JMY: variants seen among roughly 807,000 people sequenced by gnomAD.
JMY encodes the protein junction mediating and regulatory protein, p53 cofactor.
A neutral mutation model predicts 103.3 loss-of-function variants in JMY; 46 were observed. The ratio of observed to expected loss-of-function variants is 0.45; its 90% CI spans 0.35 to 0.57. The LOEUF (loss-of-function observed/expected upper bound fraction) is 0.57, where lower values mean the gene tolerates loss of function less well. Ranked by LOEUF, JMY falls within the 20% of genes least tolerant of loss-of-function variation. The pLI, the probability that JMY is intolerant of heterozygous loss-of-function variation, is 0.00. For missense variants in JMY, 1,238 were observed against 1,255.2 expected (o/e 0.99, Z 0.21); for synonymous variants, 526 against 489.3 (o/e 1.07, Z -0.99).
At chr5:79,280,937 TAA>T (rs764902691) in intron 2 of JMY, among the ~76,000 whole-genome samples, 12 of 138,072 alleles carry the variant, frequency 8.7e-5, no homozygotes, top group Admixed American at 7.2e-5. Context: ...CTGGAGGAGC[TAA>T]AAAAAAAAAA....
At chr5:79,271,281 C>T (rs1160151071) in intron 1 of JMY, among the ~76,000 whole-genome samples, 2 of 151,878 alleles carry the variant, frequency 1.3e-5, no homozygotes, top group Admixed American at 1.3e-4. Context: ...ATTCTCCTCC[C>T]TAGGCTTTCC....
At chr5:79,246,349 C>T (rs1441492884) in intron 1 of JMY, among the ~76,000 whole-genome samples, 1 of 152,130 alleles carries the variant, frequency 6.6e-6, no homozygotes, top group Non-Finnish European at 1.5e-5. Flanking sequence ...TTTTCAATAA[C>T]TGCAATAGTT....
At chr5:79,273,245 TTC>T (rs1745838233) in intron 1 of JMY, among the ~76,000 whole-genome samples, 1 of 152,214 alleles carries the variant, frequency 6.6e-6, no homozygotes, top group Admixed American at 6.5e-5. Flanking sequence ...TGGTGATGAG[TTC>T]TCTTTTAATT....
chr5:79,285,768 T>C (rs1003607506), intron 2 of JMY, among the ~76,000 whole-genome samples: 4 of 152,158 alleles, frequency 2.6e-5, no homozygotes, highest in Non-Finnish European at 5.9e-5. Context: ...CACAGTTTTT[T>C]CCCCCTCATC....
At chr5:79,262,359 A>G (rs1374391606) in intron 1 of JMY, among the ~76,000 whole-genome samples, 1 of 152,216 alleles carries the variant, frequency 6.6e-6, no homozygotes, top group Non-Finnish European at 1.5e-5. Context: ...TTTGCAGTTT[A>G]TAACCTGCAA....
At chr5:79,318,761 T>TATATAGAG (rs1218912301) in intron 10 of JMY, among the ~76,000 whole-genome samples, 16 of 53,604 alleles carry the variant, frequency 3.0e-4, no homozygotes, top group African/African-American at 2.2e-3. Flanking sequence ...TATATATATA[T>TATATAGAG]AGAGAGAGAG....
Position 79,306,438 on chromosome 5 carries a change from A to C in JMY, c.1945A>C (p.Arg649=). ...QQRTRIEDEY[R]THHTVQLKRE... ...GCGCACTCGGATTGAAGATGAATAT[A>C]GAACCCATCACACAGTACAACTAGT... is the stretch of plus-strand genomic sequence containing the variant. The change falls in exon 7 of 11, where the codon AGA becomes CGA. Residue 649 remains arginine (R), a synonymous_variant. Coordinates refer to ENST00000396137, the MANE Select transcript of JMY (RefSeq NM_152405.5). The C allele has an allele frequency of 6.2e-7, 1 of 1,612,636 alleles. No individual in the cohort carries two copies. Among genetic ancestry groups the C allele is most frequent in the South Asian group, 1.1e-5 (1 of 90,976 alleles).
intron 1 of JMY, among the ~76,000 whole-genome samples, chr5:79,242,333 A>G (rs997329675): frequency 6.6e-6 from 1 of 152,200 alleles, no homozygotes; most frequent in Non-Finnish European, 1.5e-5. Flanking sequence ...AGGATGTCTT[A>G]AGATTTGAGT....
chr5:79,293,452 C>T (rs532834230), intron 4 of JMY, among the ~76,000 whole-genome samples: 2 of 149,314 alleles, frequency 1.3e-5, no homozygotes, highest in East Asian at 3.9e-4. Context: ...GAGACAGAGT[C>T]TTGCTGTGTT....
intron 1 of JMY, among the ~76,000 whole-genome samples, chr5:79,263,357 C>G (rs572992956): frequency 2.0e-5 from 3 of 152,248 alleles, no homozygotes; most frequent in African/African-American, 7.2e-5. Flanking sequence ...ACCCAAGTAT[C>G]CTTGAATATG....
At chr5:79,287,491 C>T (rs1746302389) in intron 2 of JMY, among the ~76,000 whole-genome samples, 1 of 152,060 alleles carries the variant, frequency 6.6e-6, no homozygotes, top group African/African-American at 2.4e-5. Context: ...TTTTAAAAGT[C>T]AGTTAAAGGC....
intron 1 of JMY, among the ~76,000 whole-genome samples, chr5:79,276,796 G>A (rs892611921): frequency 6.6e-6 from 1 of 151,882 alleles, no homozygotes; most frequent in African/African-American, 2.4e-5. Flanking sequence ...TAGTAGAGAC[G>A]GGGTTTCACC....
At chr5:79,306,282 G>A (rs539098351) in intron 6 of JMY, 93 bp from the exon 7 acceptor site, 414 of 816,926 alleles carry the variant, frequency 5.1e-4, no homozygotes, top group Non-Finnish European at 4.2e-4. Context: ...TGTTCTGTAG[G>A]TGGTATATAT....
chr5:79,314,463 A>G lies in JMY; in HGVS notation c.2271A>G (p.Gln757=), dbSNP rs1467425654. The stretch of plus-strand genomic sequence containing the variant: ...CAACAGAACCCCAGAGCCTTGTGCA[A>G]CTTGAAGATACTTCATTAACACAAC... ...SQTTEPQSLV[Q]LEDTSLTQLE... The change falls in exon 9 of 11, where the codon CAA becomes CAG. Residue 757 remains glutamine, a synonymous_variant. Coordinates refer to ENST00000396137, the MANE Select transcript of JMY (RefSeq NM_152405.5). 1 of 1,614,178 alleles carries G rather than the reference A, an allele frequency of 6.2e-7. No individual in the cohort carries two copies. Among genetic ancestry groups the G allele is most frequent in the Non-Finnish European group, 8.5e-7 (1 of 1,180,036 alleles).
chr5:79,279,833 G>GT lies in JMY; in HGVS notation c.1206+1750_1206+1751insT, dbSNP rs1561301947. 1.6e-4 allele frequency among the ~76,000 whole-genome samples: 25 copies of GT among 152,048 alleles called. 1 individual carries two copies. The highest frequency in any genetic ancestry group is 5.9e-4 in the Admixed American group (9 of 15,266). On this transcript the variant is annotated intron_variant, in intron 2 of 10. Coordinates refer to ENST00000396137, the MANE Select transcript of JMY (RefSeq NM_152405.5). ...TAATTTTTAGATGTTGGAAATTCCT[G>GT]GTTTTTTTTGTTTTGTTTTGTTTTG... is the stretch of plus-strand genomic sequence containing the variant.
intron 2 of JMY, among the ~76,000 whole-genome samples, chr5:79,279,196 T>C (rs1746037834): frequency 6.6e-6 from 1 of 152,070 alleles, no homozygotes; most frequent in Admixed American, 6.6e-5. Flanking sequence ...TAGCTGAGCA[T>C]GGTAGTGCAT....
chr5:79,254,690 C>G (rs1188669261), intron 1 of JMY, among the ~76,000 whole-genome samples: 1 of 152,084 alleles, frequency 6.6e-6, no homozygotes, highest in East Asian at 1.9e-4. Flanking sequence ...GTATCTTTCT[C>G]TAGGTTTGGG....
At chr5:79,242,316 G>T (rs1744764322) in intron 1 of JMY, among the ~76,000 whole-genome samples, 1 of 152,140 alleles carries the variant, frequency 6.6e-6, no homozygotes, top group Admixed American at 6.5e-5. Context: ...GAAGGTGGGG[G>T]AAATAAAGGA....
At position 79,273,523 on chromosome 5, in the gene JMY, C is replaced by T. The variant is rs1436673282; in HGVS notation, c.1033-4387C>T. On this transcript the variant is annotated intron_variant, in intron 1 of 10. Coordinates refer to ENST00000396137, the MANE Select transcript of JMY (RefSeq NM_152405.5). ...GGTAACTGCATTTATCTGCTTGGAG[C>T]TATTAGAGCTTCTTGCATGTGTAGA... Among the ~76,000 whole-genome samples, 4 of 152,280 alleles carry T rather than the reference C, an allele frequency of 2.6e-5. No individual in the cohort carries two copies. The East Asian group carries it at 7.7e-4, about 29-fold the overall frequency.
Sources: gnomAD v4.1 joint callset for allele counts (sites outside exome capture counted in the v4.1 genomes callset) on GRCh38, gnomAD v4.1.1 for gene constraint, MANE v1.5 for transcripts, NCBI Gene and HGNC (gene_info 2026-07-23, HGNC 2026-07-21) for gene names.